Variants in CCDC40 observed in about 807,000 individuals in gnomAD.
The protein encoded by CCDC40 is coiled-coil domain-containing protein 40.
In CCDC40, 104 loss-of-function variants were observed where a neutral mutation model predicts 124.5. That is an observed-to-expected ratio of 0.84 (90% CI 0.71 to 0.98). The LOEUF (loss-of-function observed/expected upper bound fraction) is 0.98, where lower values mean the gene tolerates loss of function less well. Among genes scored for constraint, CCDC40 ranks in the 50% least tolerant of loss-of-function variants. The pLI, the probability that CCDC40 is intolerant of heterozygous loss-of-function variation, is 0.00. For missense variants in CCDC40, 1,463 were observed against 1,503.9 expected (o/e 0.97, Z 0.45); for synonymous variants, 580 against 602.9 (o/e 0.96, Z 0.56).
intron 19 of CCDC40, chr17:80,097,900 AAAAAGAAAAGAAAAG>A (rs138469377): frequency 0.12 from 19,960 of 162,530 alleles, 1,534 homozygotes; most frequent in Middle Eastern, 0.22. Context: ...ATCCTGTCTC[AAAAAGAAAAGAAAAG>A]AAAAGAAAAG....
intron 17 of CCDC40, among the ~76,000 whole-genome samples, chr17:80,094,730 AAC>A (rs1222777091): frequency 6.6e-6 from 1 of 152,106 alleles, no homozygotes; most frequent in Non-Finnish European, 1.5e-5. Flanking sequence ...GGTGGGTTCT[AAC>A]ACGCGCACAC....
Position 80,047,281 on chromosome 17 carries a change from A to G in CCDC40, c.555A>G (p.Thr185=). 6.2e-7 allele frequency: 1 copy of G among 1,614,034 alleles called. No homozygotes were observed. Among genetic ancestry groups the G allele is most frequent in the South Asian group, 1.1e-5 (1 of 91,076 alleles). ...VTSGPAVGRL[T]GSTEEPQGQV... Reference sequence around the variant, plus strand: ...AGTTTTGGTTGTTCTTGCCATAGACAGGATCCACAGAGGAGCCCCAGGGGC... The same window carrying G: ...AGTTTTGGTTGTTCTTGCCATAGACGGGATCCACAGAGGAGCCCCAGGGGC... The change falls in exon 4 of 20, where the codon ACA becomes ACG. Residue 185 remains threonine, a splice_region_variant and synonymous_variant. Coordinates refer to ENST00000397545, the MANE Select transcript of CCDC40 (RefSeq NM_017950.4).
chr17:80,088,012 C>A lies in CCDC40; in HGVS notation c.2621C>A (p.Ala874Asp). Reference sequence around the variant, plus strand: ...TGTCCCGCCCCCTCCCCCATGCAGGCCTCTGAGAGGGAGACCATCAAGATG... The same window carrying A: ...TGTCCCGCCCCCTCCCCCATGCAGGACTCTGAGAGGGAGACCATCAAGATG... ...TENEFVRSLK[A>D]SERETIKMQD... Residue 874 changes from alanine (A) to aspartate (D), a missense_variant and splice_region_variant, in exon 16 of 20, where the codon GCC becomes GAC. Ala to Asp is a moderately radical substitution (Grantham distance 126). Coordinates refer to ENST00000397545, the MANE Select transcript of CCDC40 (RefSeq NM_017950.4). The A allele has an allele frequency of 6.2e-7, 1 of 1,610,212 alleles. No homozygotes were observed.
At chr17:80,068,022 A>ACTTT in intron 10 of CCDC40, 1 of 1,025,278 alleles carries the variant, frequency 9.8e-7, no homozygotes, top group East Asian at 8.9e-5. Flanking sequence ...GTGAGGCCCA[A>ACTTT]CTTTTATTTA....
At chr17:80,047,901 C>T (rs2037471270) in intron 4 of CCDC40, among the ~76,000 whole-genome samples, 1 of 152,152 alleles carries the variant, frequency 6.6e-6, no homozygotes, top group South Asian at 2.1e-4. Flanking sequence ...TTGCAAATTC[C>T]CTGTGGTACC....
chr17:80,041,819 C>T (rs1335332325), intron 3 of CCDC40, among the ~76,000 whole-genome samples: 1 of 152,152 alleles, frequency 6.6e-6, no homozygotes, highest in Non-Finnish European at 1.5e-5. Context: ...ACGTGGGGCT[C>T]TCAGTGCGTC....
rs1475463270 is a variant in CCDC40, at chr17:80,087,298, G to T, written c.2450-309G>T. 1 of 456,074 alleles carries T rather than the reference G, an allele frequency of 2.2e-6. No individual in the cohort carries two copies. Among genetic ancestry groups the T allele is most frequent in the Non-Finnish European group, 4.1e-6 (1 of 246,256 alleles). The allele number at this position is 456,074 out of a possible 1,614,324, so 28.3% of individuals were successfully genotyped here. A position where few individuals can be genotyped will look rare whatever the true frequency, so the allele number is the denominator to read the frequency against. Reference sequence around the variant, plus strand: ...TCCACAGATTTGCAAGTGTCTGGGGGAGGGAGCCTGGCCCTCCCACACGCC... The same window carrying T: ...TCCACAGATTTGCAAGTGTCTGGGGTAGGGAGCCTGGCCCTCCCACACGCC... On this transcript the variant is annotated intron_variant, in intron 14 of 19. Coordinates refer to ENST00000397545, the MANE Select transcript of CCDC40 (RefSeq NM_017950.4). This position sits in a 1 kb window ranked among gnomAD's most constrained non-coding sequence, Gnocchi z 4.5.
chr17:80,044,902 G>C (rs1457276865), intron 3 of CCDC40, among the ~76,000 whole-genome samples: 1 of 152,050 alleles, frequency 6.6e-6, no homozygotes, highest in African/African-American at 2.4e-5. Context: ...GCCCCTGAGC[G>C]AGCCTTGCTT....
chr17:80,056,016 A>ATATATATATATATTTTTTTTTTTTTT (rs71163913), intron 7 of CCDC40, among the ~76,000 whole-genome samples: 4 of 10,252 alleles, frequency 3.9e-4, no homozygotes, highest in Non-Finnish European at 4.8e-4. Context: ...ATATATATAT[A>ATATATATATATATTTTTTTTTTTTTT]TTTTTTTTTT....
rs568063425 is a variant in CCDC40 at position 80,047,980 on chromosome 17, A to T, written c.676+578A>T. Among the ~76,000 whole-genome samples, 52 of 152,294 alleles carry T rather than the reference A, an allele frequency of 3.4e-4. No individual in the cohort carries two copies. In the South Asian group the frequency reaches 8.5e-3, roughly 25 times the overall value. On this transcript the variant is annotated intron_variant, in intron 4 of 19. Coordinates refer to ENST00000397545, the MANE Select transcript of CCDC40 (RefSeq NM_017950.4). The stretch of plus-strand genomic sequence containing the variant: ...GAAAACAGCACGTGTCTAAATTAGT[A>T]AAAAAACAAGCCGGGCGCGGTGGCT...
chr17:80,090,221 C>G (rs1412979538), intron 17 of CCDC40: 1 of 881,502 alleles, frequency 1.1e-6, no homozygotes, highest in Non-Finnish European at 1.6e-6. Context: ...ACGAAGAACA[C>G]GGGACGCGCG....
chr17:80,049,799 T>C (rs2037531373), intron 5 of CCDC40, 107 bp from the exon 6 acceptor site: 1 of 869,010 alleles, frequency 1.2e-6, no homozygotes, highest in African/African-American at 1.7e-5. Context: ...CACACGGAAG[T>C]CGTCTCTGGC....
chr17:80,059,549 G>A (rs1025720399), intron 9 of CCDC40, among the ~76,000 whole-genome samples: 15 of 145,110 alleles, frequency 1.0e-4, no homozygotes, highest in East Asian at 3.9e-4. Flanking sequence ...GGAATGACAC[G>A]GAGGAAACAA....
chr17:80,082,811 A>G (rs939593848), intron 12 of CCDC40, among the ~76,000 whole-genome samples: 4 of 152,228 alleles, frequency 2.6e-5, no homozygotes, highest in Non-Finnish European at 4.4e-5. Context: ...CCGATAGGTC[A>G]TACGTGTTTT....
At position 80,084,812 on chromosome 17, in the gene CCDC40, A is replaced by C. The variant is rs754099040; in HGVS notation, c.2059A>C (p.Arg687=). ...CCTGGACATCACACACACCAGCAGCAGGCTGGACGCACACCAGAAGACCCT... is the reference window on the plus strand; with the variant it reads ...CCTGGACATCACACACACCAGCAGCCGGCTGGACGCACACCAGAAGACCCT... ...TTLDITHTSS[R]LDAHQKTLVE... The change falls in exon 13 of 20, where the codon AGG becomes CGG. Residue 687 remains arginine (R), a synonymous_variant. Transcript: ENST00000397545. The C allele has an allele frequency of 1.2e-6, 2 of 1,614,198 alleles. No homozygotes were observed. Among genetic ancestry groups the C allele is most frequent in the Non-Finnish European group, 1.7e-6 (2 of 1,180,022 alleles).
In CCDC40 at chr17:80,086,339, A is replaced by G; in HGVS notation, c.2449+123A>G. 1.3e-6 allele frequency: 1 copy of G among 781,794 alleles called. No individual in the cohort carries two copies. The highest frequency in any genetic ancestry group is 2.7e-5 in the East Asian group (1 of 37,388). The allele number at this position is 781,794 out of a possible 1,614,324, so 48.4% of individuals were successfully genotyped here. ...GATTTGCACGCAGCCTTAAAAGCAA[A>G]TAACAAACGCGCATGCTCCCTGTAT... On this transcript the variant is annotated intron_variant, in intron 14 of 19. Coordinates refer to ENST00000397545, the MANE Select transcript of CCDC40 (RefSeq NM_017950.4). The surrounding 1 kb of genome is among the most constrained non-coding windows in gnomAD (Gnocchi z 5.5).
chr17:80,040,410 G>A, intron 3 of CCDC40, 140 bp downstream of exon 3: 2 of 880,870 alleles, frequency 2.3e-6, no homozygotes, highest in Non-Finnish European at 3.5e-6. Context: ...TGGGTGCGGT[G>A]GCTCACGCCT....
At chr17:80,064,794 A>T (rs958602252) in intron 9 of CCDC40, among the ~76,000 whole-genome samples, 2 of 145,298 alleles carry the variant, frequency 1.4e-5, no homozygotes, top group South Asian at 4.3e-4. Flanking sequence ...CTGGCTGTCC[A>T]GTTGTGCCTC....
chr17:80,046,826 C>T (rs892492722), intron 3 of CCDC40, among the ~76,000 whole-genome samples: 4 of 152,118 alleles, frequency 2.6e-5, no homozygotes, highest in Non-Finnish European at 5.9e-5. Context: ...CATAAAAACA[C>T]CTGGCTCGAT....
Sources: allele counts gnomAD v4.1 joint callset (sites outside exome capture counted in the v4.1 genomes callset), GRCh38; gene constraint gnomAD v4.1.1; non-coding constraint Gnocchi (gnomAD v3.1); transcripts MANE v1.5; gene names NCBI Gene and HGNC (gene_info 2026-07-23, HGNC 2026-07-21).